Variants in EYA4 observed in about 807,000 individuals in gnomAD.
EYA4 encodes protein phosphatase EYA4.
A neutral mutation model predicts 87.9 loss-of-function variants in EYA4; 31 were observed. The ratio of observed to expected loss-of-function variants is 0.35; its 90% CI spans 0.27 to 0.48. The LOEUF is 0.48. EYA4 is among the 20% of genes least tolerant of loss of function. The probability of loss-of-function intolerance (pLI) is 0.99; values close to 1 mark genes in which losing one functional copy is unlikely to be tolerated. For synonymous variants in EYA4, 263 were observed against 270.6 expected, an observed-to-expected ratio of 0.97 and a Z score of 0.28; for missense variants, 678 against 761.4, an observed-to-expected ratio of 0.89 and a Z score of 1.29.
Position 133,531,238 on chromosome 6 carries a change from A to G in EYA4, c.*2433A>G. ...GGCTGCCGGCATAAAACCTAAATGC[A>G]AGGTTGACGGAGAACAGCTTGTCTG... On this transcript the variant is annotated 3_prime_UTR_variant, in exon 20 of 20. Transcript: ENST00000355286. 6.5e-7 allele frequency: 1 copy of G among 1,528,408 alleles called. No individual in the cohort carries two copies. The allele number at this position is 1,528,408 out of a possible 1,614,324, so 94.7% of individuals were successfully genotyped here.
intron 2 of EYA4, among the ~76,000 whole-genome samples, chr6:133,331,917 T>C (rs943915930): frequency 6.6e-5 from 10 of 152,360 alleles, no homozygotes; most frequent in African/African-American, 2.4e-4. Flanking sequence ...AGGTATGTTA[T>C]TGTGCTCTTG....
At chr6:133,248,472 C>G (rs910537559) in intron 1 of EYA4, 1 of 152,164 alleles carries the variant, frequency 6.6e-6, no homozygotes, top group East Asian at 1.9e-4. Flanking sequence ...ATTCACAGAC[C>G]TCTGCATATA....
intron 3 of EYA4, among the ~76,000 whole-genome samples, chr6:133,396,790 G>A (rs1787842561): frequency 6.6e-6 from 1 of 152,034 alleles, no homozygotes; most frequent in Non-Finnish European, 1.5e-5. Flanking sequence ...TTCTCCAAAG[G>A]GGATTTAGAA....
In EYA4 at chr6:133,529,928, A is replaced by ATT. The variant is rs1800912793; in HGVS notation, c.*1124_*1125dup. The ATT allele has an allele frequency of 2.0e-6, 2 of 985,238 alleles. No homozygotes were observed. The highest frequency in any genetic ancestry group is 9.4e-5 in the South Asian group (2 of 21,288). The allele number at this position is 985,238 out of a possible 1,614,324, so 61.0% of individuals were successfully genotyped here. ...GATATTATCATGCAAATCATGAGCAATTATCACATAAACTTTTTTAGAATG... is the reference window on the plus strand; with the variant it reads ...GATATTATCATGCAAATCATGAGCAATTTTATCACATAAACTTTTTTAGAATG... On this transcript the variant is annotated 3_prime_UTR_variant, in exon 20 of 20. Transcript: ENST00000355286.
rs56261819 is a variant in EYA4, at chr6:133,439,049, C to CAAAAAAAAAAAA, written c.84-7565_84-7554dup. Reference sequence around the variant, plus strand: ...TGGGTGACAAAGCGAGACTCCGTCTCAAAAAAAAAAAAAAAAAAAAAAAAA... The same window carrying CAAAAAAAAAAAA: ...TGGGTGACAAAGCGAGACTCCGTCTCAAAAAAAAAAAAAAAAAAAAAAAAAAAAAAAAAAAAA... On this transcript the variant is annotated intron_variant, in intron 3 of 19. Coordinates refer to ENST00000355286, the MANE Select transcript of EYA4 (RefSeq NM_004100.5). Among the ~76,000 whole-genome samples, 13 of 64,032 alleles carry CAAAAAAAAAAAA rather than the reference C, an allele frequency of 2.0e-4. 1 individual carries two copies. The highest frequency in any genetic ancestry group is 6.6e-4 in the African/African-American group (10 of 15,134). 42.0% of individuals were successfully genotyped at this position (64,032 alleles called of 152,430 possible).
chr6:133,264,600 G>T (rs1034035886), intron 1 of EYA4, among the ~76,000 whole-genome samples: 7 of 152,214 alleles, frequency 4.6e-5, no homozygotes, highest in Non-Finnish European at 7.3e-5. Context: ...ATTGAATGTG[G>T]AGAGCAAATG....
chr6:133,515,540 G>A (rs1799515833), intron 17 of EYA4, 105 bp downstream of exon 17: 2 of 768,722 alleles, frequency 2.6e-6, no homozygotes, highest in Admixed American at 1.9e-5. Flanking sequence ...TAGACTTTAA[G>A]GGACCTAACA....
intron 2 of EYA4, among the ~76,000 whole-genome samples, chr6:133,376,858 C>T (rs368375675): frequency 2.0e-5 from 3 of 151,806 alleles, no homozygotes; most frequent in African/African-American, 2.4e-5. Flanking sequence ...ATGTTACTTA[C>T]GTAAATACAA....
At chr6:133,431,673 TA>T (rs1464056828) in intron 3 of EYA4, among the ~76,000 whole-genome samples, 2 of 152,210 alleles carry the variant, frequency 1.3e-5, no homozygotes, top group Non-Finnish European at 2.9e-5. Context: ...TCAGTCTCCT[TA>T]AAATTAATGT....
At chr6:133,465,002 A>G (rs1794727330) in intron 10 of EYA4, 144 bp downstream of exon 10, 4 of 636,412 alleles carry the variant, frequency 6.3e-6, no homozygotes, top group African/African-American at 3.7e-5. Flanking sequence ...ATAGTAAAAA[A>G]TTAGCTATCT....
At chr6:133,484,803 T>C (rs753183287) in intron 13 of EYA4, among the ~76,000 whole-genome samples, 3 of 152,320 alleles carry the variant, frequency 2.0e-5, no homozygotes, top group Admixed American at 2.0e-4. Flanking sequence ...CCCTTCAAAA[T>C]AGTCACCATG....
intron 2 of EYA4, among the ~76,000 whole-genome samples, chr6:133,308,110 A>G (rs988957704): frequency 6.6e-6 from 1 of 152,144 alleles, no homozygotes; most frequent in Non-Finnish European, 1.5e-5. Flanking sequence ...CTCCCCAGCC[A>G]TGTGGAACTG....
At chr6:133,407,742 A>AAT (rs2128530137) in intron 3 of EYA4, among the ~76,000 whole-genome samples, 1 of 152,004 alleles carries the variant, frequency 6.6e-6, no homozygotes, top group South Asian at 2.1e-4. Flanking sequence ...TTCAGGAAAA[A>AAT]AAAATAAAAG....
intron 2 of EYA4, among the ~76,000 whole-genome samples, chr6:133,353,867 T>C (rs1783817635): frequency 6.6e-6 from 1 of 152,172 alleles, no homozygotes; most frequent in South Asian, 2.1e-4. Context: ...CCATTCACAG[T>C]GCTACTCAAG....
At chr6:133,378,148 T>C (rs892478399) in intron 2 of EYA4, among the ~76,000 whole-genome samples, 3 of 152,048 alleles carry the variant, frequency 2.0e-5, no homozygotes, top group African/African-American at 7.2e-5. Context: ...TAAAGTGAGA[T>C]TTTAAAAAGA....
chr6:133,360,523 C>T (rs1784374780), intron 2 of EYA4: 1 of 152,162 alleles, frequency 6.6e-6, no homozygotes, highest in African/African-American at 2.4e-5. Context: ...TGTGTTATCA[C>T]CATAATCAAA....
At chr6:133,375,236 C>T (rs1785586364) in intron 2 of EYA4, among the ~76,000 whole-genome samples, 1 of 151,908 alleles carries the variant, frequency 6.6e-6, no homozygotes, top group East Asian at 1.9e-4. Context: ...ATCATATTTA[C>T]TTGGATCCAA....
In EYA4 at chr6:133,462,853, A is replaced by G; in HGVS notation, c.724+89A>G. ...TCAGACTAGGAATATCCAATCATGA[A>G]GGTAGTTTTAAGCTTTATCACAGCT... On this transcript the variant is annotated intron_variant, in intron 9 of 19. Transcript: ENST00000355286. 3.2e-6 allele frequency: 4 copies of G among 1,241,308 alleles called. No homozygotes were observed. In the South Asian group the frequency reaches 4.9e-5, roughly 15 times the overall value. 76.9% of individuals were successfully genotyped at this position (1,241,308 alleles called of 1,614,324 possible).
At chr6:133,306,018 A>G (rs1779775544) in intron 2 of EYA4, among the ~76,000 whole-genome samples, 1 of 151,988 alleles carries the variant, frequency 6.6e-6, no homozygotes, top group South Asian at 2.1e-4. Flanking sequence ...TCTAAATGGT[A>G]TGTTTGATAT....
Sources: allele counts gnomAD v4.1 joint callset (sites outside exome capture counted in the v4.1 genomes callset), GRCh38; gene constraint gnomAD v4.1.1; transcripts MANE v1.5; gene names NCBI Gene and HGNC (gene_info 2026-07-23, HGNC 2026-07-21).